The following TXNDC11 variants were observed in gnomAD, a reference collection of about 807,000 sequenced individuals.
TXNDC11 encodes the protein thioredoxin domain containing 11.
TXNDC11 carries 68 observed loss-of-function variants against 78.0 expected under a neutral mutation model. The ratio of observed to expected loss-of-function variants is 0.87; its 90% CI spans 0.72 to 1.07. TXNDC11 has a LOEUF of 1.07. TXNDC11 is among the 50% of genes least tolerant of loss of function. The pLI is 0.00. For missense variants in TXNDC11, 1,389 were observed against 1,221.8 expected (o/e 1.14, Z -2.04); for synonymous variants, 571 against 495.2 (o/e 1.15, Z -2.03).
chr16:11,732,350 C>T lies in TXNDC11; in HGVS notation c.570-1576G>A, dbSNP rs12599079. On this transcript the variant is annotated intron_variant, in intron 3 of 11. Transcript: ENST00000283033. ...AGCAGTCTGAAAGGACTACACCCCC[C>T]CACTAGGCTTCCATGCCTTTTTTCA... Among the ~76,000 whole-genome samples, 16 of 152,296 alleles carry T rather than the reference C, an allele frequency of 1.1e-4. No homozygotes were observed. The East Asian group carries it at 3.1e-3, about 29-fold the overall frequency.
chr16:11,717,852 G>A (rs2051586941), intron 5 of TXNDC11, among the ~76,000 whole-genome samples: 1 of 151,704 alleles, frequency 6.6e-6, no homozygotes, highest in Admixed American at 6.6e-5. Context: ...ATACAATAAT[G>A]GACAGAAATA....
At chr16:11,721,791 T>C in intron 4 of TXNDC11, 121 bp from the exon 5 acceptor site, 1 of 557,112 alleles carries the variant, frequency 1.8e-6, no homozygotes, top group Admixed American at 3.3e-5. Context: ...CCTTTCATTT[T>C]TTCAAAAAGC....
At chr16:11,739,415 A>T (rs539508447) in intron 1 of TXNDC11, among the ~76,000 whole-genome samples, 1 of 152,138 alleles carries the variant, frequency 6.6e-6, no homozygotes, top group Admixed American at 6.5e-5. Flanking sequence ...AGTCCCAGCT[A>T]CTATACTCAG....
rs772432272 is a variant in TXNDC11 at position 11,736,076 on chromosome 16, C to G, written c.412G>C (p.Gly138Arg). Reference protein sequence around the residue: ...VLLFFYAPWCGQSIAARAEIE... With the variant: ...VLLFFYAPWCRQSIAARAEIE... ...TCTGCCCTGGCAGCGATGGACTGTC[C>G]ACACCAAGGGGCATAGAAGAAGAGC... Residue 138 changes from glycine to arginine, a missense_variant, in exon 2 of 12, where the codon GGA (glycine) becomes CGA (arginine). Gly to Arg is a moderately radical substitution (Grantham distance 125). Coordinates refer to ENST00000283033, the MANE Select transcript of TXNDC11 (RefSeq NM_015914.7). 1.2e-6 allele frequency: 2 copies of G among 1,614,158 alleles called. No individual in the cohort carries two copies. The highest frequency in any genetic ancestry group is 1.7e-6 in the Non-Finnish European group (2 of 1,180,038).
At chr16:11,737,851 CAAAA>C (rs538318388) in intron 1 of TXNDC11, among the ~76,000 whole-genome samples, 1 of 54,178 alleles carries the variant, frequency 1.8e-5, no homozygotes. Flanking sequence ...CTACGTCTCT[CAAAA>C]AAAAAAAAAA....
intron 7 of TXNDC11, among the ~76,000 whole-genome samples, chr16:11,696,946 C>T (rs2050875648): frequency 6.6e-6 from 1 of 152,188 alleles, no homozygotes; most frequent in Non-Finnish European, 1.5e-5. Context: ...GCCACACCAC[C>T]TTGACCGAAA....
chr16:11,713,007 G>C (rs2051409175), intron 5 of TXNDC11, among the ~76,000 whole-genome samples: 1 of 151,048 alleles, frequency 6.6e-6, no homozygotes, highest in Non-Finnish European at 1.5e-5. Context: ...CAGCTACTTG[G>C]GAGGCAGGAG....
At position 11,730,755 on chromosome 16, in the gene TXNDC11, T is replaced by C. The variant is rs1018992335; in HGVS notation, c.589A>G (p.Lys197Glu). 5 of 1,602,500 alleles carry C rather than the reference T, an allele frequency of 3.1e-6. No individual in the cohort carries two copies. Among genetic ancestry groups the C allele is most frequent in the Non-Finnish European group, 4.3e-6 (5 of 1,172,960 alleles). The change falls in exon 4 of 12, where the codon AAA (lysine) becomes GAA (glutamate). Residue 197 changes from lysine to glutamate, a missense_variant. Lys to Glu is a moderately conservative substitution (Grantham distance 56). Coordinates refer to ENST00000283033, the MANE Select transcript of TXNDC11 (RefSeq NM_015914.7). ...ATGTAAACAGCACTCATGGGGCCTT[T>C]GTATTCGATTGGTCCAAAACTAGTA... is the stretch of plus-strand genomic sequence containing the variant. ...YHRSFGPIEY[K>E]GPMSAVYIEK...
intron 6 of TXNDC11, among the ~76,000 whole-genome samples, chr16:11,699,996 T>G (rs1221542407): frequency 6.6e-6 from 1 of 152,220 alleles, no homozygotes; most frequent in Non-Finnish European, 1.5e-5. Flanking sequence ...AGCCATCAAC[T>G]TCTCACTGTG....
intron 5 of TXNDC11, among the ~76,000 whole-genome samples, chr16:11,711,116 G>C (rs1462010402): frequency 6.6e-6 from 1 of 151,940 alleles, no homozygotes; most frequent in Non-Finnish European, 1.5e-5. Flanking sequence ...CATTAGGCAG[G>C]GAAAAACATT....
In TXNDC11 at chr16:11,691,946, G is replaced by C; in HGVS notation, c.1244C>G (p.Pro415Arg). The change falls in exon 8 of 12, where the codon CCG becomes CGG. Residue 415 changes from proline to arginine, a missense_variant. Coordinates refer to ENST00000283033, the MANE Select transcript of TXNDC11 (RefSeq NM_015914.7). The part of the protein sequence containing the change: ...ALEVPAQLPD[P>R]PTITASPCCN... ...GCAGGGGGACGCTGTGATCGTTGGC[G>C]GGTCTGGCAGCTGTGCCGGCACTTC... The C allele has an allele frequency of 5.0e-6, 8 of 1,611,588 alleles. No homozygotes were observed. Among genetic ancestry groups the C allele is most frequent in the Non-Finnish European group, 6.8e-6 (8 of 1,177,998 alleles).
intron 10 of TXNDC11, among the ~76,000 whole-genome samples, chr16:11,685,939 G>A (rs905918020): frequency 1.7e-4 from 26 of 151,968 alleles, no homozygotes; most frequent in Admixed American, 1.4e-3. Flanking sequence ...TCTTATGCAG[G>A]CTGCAGGCTT....
At chr16:11,742,148 T>C in intron 1 of TXNDC11, 1 of 323,656 alleles carries the variant, frequency 3.1e-6, no homozygotes, top group Non-Finnish European at 5.6e-6. Flanking sequence ...CGGTGAGAAA[T>C]GAGGGTCCTA....
intron 8 of TXNDC11, among the ~76,000 whole-genome samples, chr16:11,689,776 G>A (rs969353752): frequency 3.9e-5 from 6 of 151,976 alleles, no homozygotes; most frequent in African/African-American, 1.2e-4. Flanking sequence ...CCATTTCTCT[G>A]GAGTCTCTTT....
chr16:11,679,124 C>T lies in TXNDC11; in HGVS notation c.*71G>A. On this transcript the variant is annotated 3_prime_UTR_variant, in exon 12 of 12. Transcript: ENST00000283033. The surrounding 1 kb of genome is among the most constrained non-coding windows in gnomAD (Gnocchi z 4.6). ...GAAAATCTTTATTTACAATAAATTT[C>T]AATAAAATTTGCATAAATATATTCC... The T allele has an allele frequency of 1.4e-6, 2 of 1,470,080 alleles. No individual in the cohort carries two copies. The highest frequency in any genetic ancestry group is 1.9e-6 in the Non-Finnish European group (2 of 1,080,812). The allele number at this position is 1,470,080 out of a possible 1,614,324, so 91.1% of individuals were successfully genotyped here.
intron 5 of TXNDC11, among the ~76,000 whole-genome samples, chr16:11,706,831 C>T (rs1479181681): frequency 6.6e-6 from 1 of 152,148 alleles, no homozygotes; most frequent in Non-Finnish European, 1.5e-5. Flanking sequence ...TTTTGGACAA[C>T]GTTTTAATAT....
rs552963155 is a variant in TXNDC11 at position 11,730,783 on chromosome 16, AAAAAATAAAAAT to A, written c.570-21_570-10del. The A allele has an allele frequency of 4.6e-5, 71 of 1,530,502 alleles. No homozygotes were observed. The highest frequency in any genetic ancestry group is 5.6e-5 in the Non-Finnish European group (64 of 1,136,036). The allele number at this position is 1,530,502 out of a possible 1,614,324, so 94.8% of individuals were successfully genotyped here. On this transcript the variant is annotated splice_polypyrimidine_tract_variant and intron_variant, in intron 3 of 11. Coordinates refer to ENST00000283033, the MANE Select transcript of TXNDC11 (RefSeq NM_015914.7). The stretch of plus-strand genomic sequence containing the variant: ...ATTCGATTGGTCCAAAACTAGTACC[AAAAAATAAAAAT>A]AAAAATAAAAATAATAAAAATAATA...
chr16:11,718,599 C>T (rs2051613575), intron 5 of TXNDC11, among the ~76,000 whole-genome samples: 1 of 152,018 alleles, frequency 6.6e-6, no homozygotes, highest in Non-Finnish European at 1.5e-5. Context: ...AGAAAAACCC[C>T]AGATGCCCAA....
intron 5 of TXNDC11, 62 bp from the exon 6 acceptor site, chr16:11,700,626 C>G (rs1183330393): frequency 1.2e-6 from 1 of 815,248 alleles, no homozygotes; most frequent in Non-Finnish European, 2.1e-6. Context: ...ACCACAAAAC[C>G]CAGTGATCAA....
Sources: gnomAD v4.1 joint callset for allele counts (sites outside exome capture counted in the v4.1 genomes callset) on GRCh38, gnomAD v4.1.1 for gene constraint, Gnocchi (gnomAD v3.1) non-coding constraint, MANE v1.5 for transcripts, NCBI Gene and HGNC (gene_info 2026-07-23, HGNC 2026-07-21) for gene names.